Variants in UBE4B observed in about 807,000 individuals in gnomAD.
UBE4B encodes ubiquitination factor E4B, also known as ubiquitin conjugation factor E4 B.
Under a neutral mutation model 148.1 loss-of-function variants are expected in UBE4B, and 27 were observed. That is an observed-to-expected ratio of 0.18 (90% CI 0.13 to 0.25). The LOEUF (loss-of-function observed/expected upper bound fraction) is 0.25. Among genes scored for constraint, UBE4B ranks in the 10% least tolerant of loss-of-function variants. The pLI is 1.00. For synonymous variants in UBE4B, 596 were observed against 619.3 expected (o/e 0.96, Z 0.56); for missense variants, 1,170 against 1,662.4 (o/e 0.70, Z 5.15).
chr1:10,039,443 T>G (rs1318359508), intron 1 of UBE4B, among the ~76,000 whole-genome samples: 1 of 152,018 alleles, frequency 6.6e-6, no homozygotes, highest in Non-Finnish European at 1.5e-5. Context: ...TTGTTGTTGT[T>G]TTTTGGGACA....
chr1:10,131,577 CTG>C (rs1238443545), intron 14 of UBE4B, among the ~76,000 whole-genome samples: 1 of 151,482 alleles, frequency 6.6e-6, no homozygotes, highest in Non-Finnish European at 1.5e-5. Context: ...TTTATTAAAA[CTG>C]TAACTGCCGG....
Position 10,130,515 on chromosome 1 carries a change from T to C in UBE4B, c.1711T>C (p.Leu571=), listed in dbSNP as rs1462336740. The change falls in exon 13 of 28, where the codon TTG becomes CTG. Residue 571 remains leucine, a synonymous_variant. Coordinates refer to ENST00000343090, the MANE Select transcript of UBE4B (RefSeq NM_001105562.3). ...TTCTGCCTAGGTTGCTTCTTTGCGG[T>C]TGTGGTTGCCGAAATCCTTAAGTCC... ...PVCNLVASLR[L]WLPKSLSPGC... 1 of 1,614,048 alleles carries C rather than the reference T, an allele frequency of 6.2e-7. No homozygotes were observed. Among genetic ancestry groups the C allele is most frequent in the South Asian group, 1.1e-5 (1 of 91,080 alleles).
intron 9 of UBE4B, among the ~76,000 whole-genome samples, chr1:10,119,980 GTA>G (rs1645383262): frequency 6.6e-6 from 1 of 151,920 alleles, no homozygotes. Context: ...CACCTTCCAT[GTA>G]TAACACGGTC....
chr1:10,064,404 G>A (rs1644345414), intron 1 of UBE4B, among the ~76,000 whole-genome samples: 1 of 152,194 alleles, frequency 6.6e-6, no homozygotes, highest in Non-Finnish European at 1.5e-5. Flanking sequence ...AGGAATTGTA[G>A]TATTTCTATG....
intron 2 of UBE4B, among the ~76,000 whole-genome samples, chr1:10,087,660 C>T (rs1167966459): frequency 4.6e-5 from 7 of 152,194 alleles, no homozygotes; most frequent in South Asian, 2.1e-4. Context: ...CCCATCACAT[C>T]GTATCAGGGG....
intron 7 of UBE4B, chr1:10,107,383 G>C: frequency 7.8e-7 from 1 of 1,286,324 alleles, no homozygotes; most frequent in Non-Finnish European, 1.0e-6. Flanking sequence ...AGGTATCAGA[G>C]GAATGGAGTC....
rs1274888386 is a variant in UBE4B, at chr1:10,181,143, T to G, written c.*1187T>G. 6.6e-6 allele frequency: 1 copy of G among 152,536 alleles called. No individual in the cohort carries two copies. The highest frequency in any genetic ancestry group is 1.5e-5 in the Non-Finnish European group (1 of 68,014). 9.4% of individuals were successfully genotyped at this position (152,536 alleles called of 1,614,324 possible). A position where few individuals can be genotyped will look rare whatever the true frequency, so the allele number is the denominator to read the frequency against. On this transcript the variant is annotated 3_prime_UTR_variant, in exon 28 of 28. Transcript: ENST00000343090. ...GAAATTAAGTCTATAAAAAGCATAC[T>G]TTCTTTTTTCTTTTCCTTTTTTCCC...
chr1:10,159,441 G>C (rs1408399855), intron 22 of UBE4B, among the ~76,000 whole-genome samples: 1 of 152,196 alleles, frequency 6.6e-6, no homozygotes, highest in Non-Finnish European at 1.5e-5. Flanking sequence ...GGGAGGCCGA[G>C]CAGGGCGGAT....
chr1:10,082,076 G>C (rs1046368409), intron 2 of UBE4B, among the ~76,000 whole-genome samples: 1 of 152,148 alleles, frequency 6.6e-6, no homozygotes, highest in South Asian at 2.1e-4. Context: ...TGTTTATGTT[G>C]GTTGTTACAT....
chr1:10,072,622 G>A, intron 2 of UBE4B: 1 of 622,320 alleles, frequency 1.6e-6, no homozygotes, highest in Non-Finnish European at 2.9e-6. Context: ...ATTCTGCATT[G>A]GCACAGAACT....
Position 10,038,173 on chromosome 1 carries a change from A to G in UBE4B, c.24+4479A>G, listed in dbSNP as rs112930377. Among the ~76,000 whole-genome samples the G allele has an allele frequency of 5.5e-3, 842 of 151,906 alleles. 8 individuals are homozygous for G. Among genetic ancestry groups the G allele is most frequent in the African/African-American group, 0.02 (815 of 41,476 alleles). Reference sequence around the variant, plus strand: ...CACATGCCTGTGATCCGAGGTACTCAGGAGGCTGAGGCAGGAGAATTGCTT... The same window carrying G: ...CACATGCCTGTGATCCGAGGTACTCGGGAGGCTGAGGCAGGAGAATTGCTT... On this transcript the variant is annotated intron_variant, in intron 1 of 27. Coordinates refer to ENST00000343090, the MANE Select transcript of UBE4B (RefSeq NM_001105562.3).
chr1:10,141,431 G>A (rs1645780156), intron 17 of UBE4B, among the ~76,000 whole-genome samples: 1 of 152,094 alleles, frequency 6.6e-6, no homozygotes, highest in Non-Finnish European at 1.5e-5. Flanking sequence ...AGCTGGAAAA[G>A]GCGAGGAAAC....
At chr1:10,140,067 A>G (rs1170670031) in intron 17 of UBE4B, among the ~76,000 whole-genome samples, 3 of 152,140 alleles carry the variant, frequency 2.0e-5, no homozygotes. Flanking sequence ...TATTTAGATC[A>G]TCCTTTCCAA....
chr1:10,146,237 A>G (rs1249739421), intron 18 of UBE4B, among the ~76,000 whole-genome samples: 2 of 152,152 alleles, frequency 1.3e-5, no homozygotes, highest in Non-Finnish European at 2.9e-5. Context: ...AGATCACCTG[A>G]GGTCAGGAGT....
At chr1:10,155,032 G>T (rs1646044428) in intron 21 of UBE4B, among the ~76,000 whole-genome samples, 1 of 152,166 alleles carries the variant, frequency 6.6e-6, no homozygotes, top group Non-Finnish European at 1.5e-5. Flanking sequence ...TTATTTTGTA[G>T]TCAGTGTTCT....
intron 1 of UBE4B, among the ~76,000 whole-genome samples, chr1:10,069,061 T>C (rs1009012421): frequency 6.6e-6 from 1 of 152,238 alleles, no homozygotes; most frequent in Non-Finnish European, 1.5e-5. Context: ...CAACCTTTTT[T>C]GAAACCTTAG....
chr1:10,138,821 T>C (rs1645738524), intron 17 of UBE4B, among the ~76,000 whole-genome samples: 1 of 152,186 alleles, frequency 6.6e-6, no homozygotes. Flanking sequence ...TGAATTTTAT[T>C]AAATACTTTT....
Position 10,134,971 on chromosome 1 carries a change from C to CT in UBE4B, c.2026-13dup, listed in dbSNP as rs759691967. 6.2e-7 allele frequency: 1 copy of CT among 1,607,532 alleles called. No individual in the cohort carries two copies. On this transcript the variant is annotated splice_polypyrimidine_tract_variant and intron_variant, in intron 15 of 27. Coordinates refer to ENST00000343090, the MANE Select transcript of UBE4B (RefSeq NM_001105562.3). ...TTTTTAATGTTTAAAAATACTTTTT[C>CT]TTTTCAACTTTCACAGACAGATGAT...
At chr1:10,123,955 A>G (rs906561109) in intron 10 of UBE4B, among the ~76,000 whole-genome samples, 4 of 150,670 alleles carry the variant, frequency 2.7e-5, no homozygotes, top group Non-Finnish European at 1.5e-5. Context: ...TTGTATTTTT[A>G]TTAGAGACGG....
Sources: allele counts gnomAD v4.1 joint callset (sites outside exome capture counted in the v4.1 genomes callset), GRCh38; gene constraint gnomAD v4.1.1; transcripts MANE v1.5; gene names NCBI Gene and HGNC (gene_info 2026-07-23, HGNC 2026-07-21).